TMEM178B: variants seen among roughly 807,000 people sequenced by gnomAD.
TMEM178B encodes the protein transmembrane protein 178B.
In TMEM178B, 5 loss-of-function variants were observed where a neutral mutation model predicts 31.0. The observed-to-expected ratio is 0.16, with a 90% CI of 0.08 to 0.34. TMEM178B has a LOEUF of 0.34. TMEM178B is among the 10% of genes least tolerant of loss of function. The pLI, the probability that TMEM178B is intolerant of heterozygous loss-of-function variation, is 1.00. For synonymous variants in TMEM178B, 164 were observed against 164.0 expected (o/e 1.00, Z 0.00); for missense variants, 275 against 400.3 (o/e 0.69, Z 2.67).
chr7:141,113,172 G>A (rs1795261790), intron 1 of TMEM178B, among the ~76,000 whole-genome samples: 1 of 152,134 alleles, frequency 6.6e-6, no homozygotes, highest in Admixed American at 6.5e-5. Context: ...TTGGTGGTGG[G>A]GTTAAGTACT....
At chr7:141,494,325 T>C in the TMEM178B span, among the ~76,000 whole-genome samples, 2 of 152,214 alleles carry the variant, frequency 1.3e-5, no homozygotes, top group Non-Finnish European at 2.9e-5. Context: ...TTGATTCTGA[T>C]TTCAGTTATT....
At chr7:141,157,514 GAACAACAACAAC>G (rs756842782) in intron 1 of TMEM178B, among the ~76,000 whole-genome samples, 4 of 151,658 alleles carry the variant, frequency 2.6e-5, no homozygotes, top group African/African-American at 9.7e-5. Flanking sequence ...GACAATAACA[GAACAACAACAAC>G]AACAACAACA....
chr7:141,378,191 C>G (rs879854274), intron 2 of TMEM178B, among the ~76,000 whole-genome samples: 1 of 152,072 alleles, frequency 6.6e-6, no homozygotes, highest in Non-Finnish European at 1.5e-5. Context: ...ATAGTTAGAC[C>G]GGGGTTACAG....
intron 1 of TMEM178B, among the ~76,000 whole-genome samples, chr7:141,095,090 G>A (rs1019635299): frequency 5.3e-5 from 8 of 152,186 alleles, no homozygotes; most frequent in African/African-American, 1.7e-4. Context: ...CACATTTATA[G>A]GCAGCCACTT....
At chr7:141,123,151 T>C (rs1450715004) in intron 1 of TMEM178B, among the ~76,000 whole-genome samples, 1 of 152,252 alleles carries the variant, frequency 6.6e-6, no homozygotes, top group Non-Finnish European at 1.5e-5. Context: ...TGTCTCTTGA[T>C]GCTGTATCAA....
At chr7:141,335,071 C>T (rs1799361090) in intron 2 of TMEM178B, among the ~76,000 whole-genome samples, 1 of 152,186 alleles carries the variant, frequency 6.6e-6, no homozygotes, top group Non-Finnish European at 1.5e-5. Context: ...ATATAAACAG[C>T]TTGGTTAGTG....
intron 1 of TMEM178B, among the ~76,000 whole-genome samples, chr7:141,146,488 A>G (rs1237660553): frequency 6.6e-6 from 1 of 152,170 alleles, no homozygotes; most frequent in Non-Finnish European, 1.5e-5. Context: ...TGGATATATT[A>G]CCTAACTTTC....
At chr7:141,435,818 A>G (rs1801525607) in intron 2 of TMEM178B, among the ~76,000 whole-genome samples, 1 of 152,192 alleles carries the variant, frequency 6.6e-6, no homozygotes, top group Admixed American at 6.5e-5. Flanking sequence ...CATCACTTCT[A>G]CCTGGCTGGG....
At chr7:141,403,766 C>T (rs1800829927) in intron 2 of TMEM178B, among the ~76,000 whole-genome samples, 1 of 152,148 alleles carries the variant, frequency 6.6e-6, no homozygotes, top group African/African-American at 2.4e-5. Context: ...CTGGCAAGTG[C>T]CTAATACCCA....
intron 2 of TMEM178B, among the ~76,000 whole-genome samples, chr7:141,353,709 G>A (rs769419919): frequency 6.6e-6 from 1 of 152,156 alleles, no homozygotes; most frequent in African/African-American, 2.4e-5. Context: ...CCTTTGTTCT[G>A]TTTTGTTCAA....
chr7:141,504,416 G>C, the TMEM178B span, among the ~76,000 whole-genome samples: 1 of 152,100 alleles, frequency 6.6e-6, no homozygotes, highest in Non-Finnish European at 1.5e-5. Context: ...ATGTATATCT[G>C]TCACCTGAAG....
At chr7:141,340,018 A>T (rs1239103131) in intron 2 of TMEM178B, among the ~76,000 whole-genome samples, 1 of 152,258 alleles carries the variant, frequency 6.6e-6, no homozygotes, top group Admixed American at 6.5e-5. Context: ...ACCCTCTGTC[A>T]AGATAGCCAC....
At chr7:141,399,757 G>A (rs966737415) in intron 2 of TMEM178B, among the ~76,000 whole-genome samples, 1 of 152,282 alleles carries the variant, frequency 6.6e-6, no homozygotes, top group African/African-American at 2.4e-5. Context: ...CTTCCAGACT[G>A]CTAAGTCAGC....
At chr7:141,266,453 C>T (rs1468216205) in intron 2 of TMEM178B, among the ~76,000 whole-genome samples, 1 of 152,196 alleles carries the variant, frequency 6.6e-6, no homozygotes, top group East Asian at 1.9e-4. Context: ...AGATGTTGTA[C>T]ACTCTGAGCT....
intron 2 of TMEM178B, among the ~76,000 whole-genome samples, chr7:141,319,515 C>A (rs928721539): frequency 4.6e-5 from 7 of 152,160 alleles, no homozygotes; most frequent in Admixed American, 1.3e-4. Flanking sequence ...GAAAAACAGC[C>A]TCCCTCATTG....
intron 2 of TMEM178B, among the ~76,000 whole-genome samples, chr7:141,402,415 C>G (rs1017271836): frequency 6.6e-6 from 1 of 152,196 alleles, no homozygotes; most frequent in Non-Finnish European, 1.5e-5. Context: ...CTTCCCTCCC[C>G]CTGCTGCTCA....
At chr7:141,178,261 A>C (rs1465059939) in intron 1 of TMEM178B, among the ~76,000 whole-genome samples, 2 of 152,228 alleles carry the variant, frequency 1.3e-5, no homozygotes, top group African/African-American at 2.4e-5. Flanking sequence ...AGAATGTTGA[A>C]TATTGGCCCC....
chr7:141,124,307 CA>C (rs1483271752), intron 1 of TMEM178B, among the ~76,000 whole-genome samples: 6 of 151,980 alleles, frequency 3.9e-5, no homozygotes, highest in Non-Finnish European at 7.4e-5. Flanking sequence ...GCAGAGGTTG[CA>C]GTGAGCCAAG....
At chr7:141,444,740 C>T (rs1801721390) in intron 3 of TMEM178B, among the ~76,000 whole-genome samples, 1 of 152,224 alleles carries the variant, frequency 6.6e-6, no homozygotes, top group African/African-American at 2.4e-5. Context: ...AGAGCTGGAG[C>T]CCAGCCTGGG....
Sources: gnomAD v4.1 joint callset for allele counts (sites outside exome capture counted in the v4.1 genomes callset) on GRCh38, gnomAD v4.1.1 for gene constraint, MANE v1.5 for transcripts, NCBI Gene and HGNC (gene_info 2026-07-23, HGNC 2026-07-21) for gene names.